LATS2: variants seen among roughly 807,000 people sequenced by gnomAD.
LATS2 encodes large tumor suppressor kinase 2.
A neutral mutation model predicts 76.0 loss-of-function variants in LATS2; 24 were observed. The observed-to-expected ratio is 0.32, with a 90% CI of 0.23 to 0.44. The LOEUF (loss-of-function observed/expected upper bound fraction) is 0.44. Ranked by LOEUF, LATS2 falls within the 20% of genes least tolerant of loss-of-function variation. The pLI is 1.00. For missense variants in LATS2, 1,286 were observed against 1,481.2 expected (o/e 0.87, Z 2.16); for synonymous variants, 692 against 635.4 (o/e 1.09, Z -1.34).
At chr13:20,987,247 A>T (rs1040195322) in intron 4 of LATS2, among the ~76,000 whole-genome samples, 1 of 152,192 alleles carries the variant, frequency 6.6e-6, no homozygotes, top group Non-Finnish European at 1.5e-5. Flanking sequence ...AATGAAAAGT[A>T]TATCTGTAAA....
chr13:21,020,883 G>A (rs1362457144), intron 2 of LATS2, among the ~76,000 whole-genome samples: 3 of 152,188 alleles, frequency 2.0e-5, no homozygotes, highest in African/African-American at 2.4e-5. Flanking sequence ...GTGTAGCCAC[G>A]CCAGACTGGA....
chr13:21,024,912 T>A (rs1295894231), intron 2 of LATS2, among the ~76,000 whole-genome samples: 1 of 152,216 alleles, frequency 6.6e-6, no homozygotes, highest in Non-Finnish European at 1.5e-5. Context: ...GGCCTGGGGC[T>A]GTCCCCACAG....
At chr13:21,030,689 T>A (rs1232137266) in intron 2 of LATS2, among the ~76,000 whole-genome samples, 2 of 151,716 alleles carry the variant, frequency 1.3e-5, no homozygotes, top group Non-Finnish European at 2.9e-5. Context: ...GTATATCAGA[T>A]CTATAGGTAT....
At chr13:21,029,679 T>C (rs1872445016) in intron 2 of LATS2, among the ~76,000 whole-genome samples, 1 of 151,910 alleles carries the variant, frequency 6.6e-6, no homozygotes, top group East Asian at 1.9e-4. Flanking sequence ...TAGTCCCAGC[T>C]ACTCGGAAAG....
chr13:21,057,551 T>G (rs1443866279), intron 1 of LATS2, among the ~76,000 whole-genome samples: 2 of 152,166 alleles, frequency 1.3e-5, no homozygotes, highest in African/African-American at 4.8e-5. Flanking sequence ...GCGCGGTGGC[T>G]CATGCCTGTA....
chr13:21,019,328 A>G lies in LATS2; in HGVS notation c.342+26357T>C, dbSNP rs190318148. The stretch of plus-strand genomic sequence containing the variant: ...TATTATTATTATTATTATTATTATT[A>G]TTATTATTATTATTTGAGACAGAGT... On this transcript the variant is annotated intron_variant, in intron 2 of 7. Coordinates refer to ENST00000382592, the MANE Select transcript of LATS2 (RefSeq NM_014572.3). Among the ~76,000 whole-genome samples the G allele has an allele frequency of 1.1e-3, 162 of 142,224 alleles. 1 individual carries two copies. The highest frequency in any genetic ancestry group is 0.011 in the Middle Eastern group (3 of 280). 93.3% of individuals were successfully genotyped at this position (142,224 alleles called of 152,430 possible). A position where few individuals can be genotyped will look rare whatever the true frequency, so the allele number is the denominator to read the frequency against.
At chr13:20,979,949 G>A (rs1015079227) in intron 6 of LATS2, 152 bp from the exon 7 acceptor site, 3 of 434,440 alleles carry the variant, frequency 6.9e-6, no homozygotes, top group Non-Finnish European at 8.2e-6. Flanking sequence ...GTAAGTACCT[G>A]GATACTACTG....
At chr13:21,038,389 TAGAC>T (rs993185080) in intron 2 of LATS2, 7 of 151,938 alleles carry the variant, frequency 4.6e-5, no homozygotes, top group Non-Finnish European at 8.8e-5. Context: ...TTTAAAAAAA[TAGAC>T]AGGGTCTTGC....
Position 20,988,399 on chromosome 13 carries a change from A to C in LATS2, c.1381T>G (p.Ser461Ala). The C allele has an allele frequency of 7.2e-7, 1 of 1,387,952 alleles. No individual in the cohort carries two copies. 86.0% of individuals were successfully genotyped at this position (1,387,952 alleles called of 1,614,324 possible). Residue 461 changes from serine to alanine, a missense_variant, in exon 4 of 8, where the codon TCG becomes GCG. Physicochemically the swap from Ser to Ala is moderately conservative, Grantham distance 99 (BLOSUM62 1). Around this residue, in one of 5 missense-constraint regions of LATS2, gnomAD observed 710 missense variants for 660.9 expected, o/e 1.07. Coordinates refer to ENST00000382592, the MANE Select transcript of LATS2 (RefSeq NM_014572.3). The part of the protein sequence containing the change: ...RPEPQTAVGP[S>A]HPAWVPAPAP... The stretch of plus-strand genomic sequence containing the variant: ...GGCGCGGGCACCCAGGCGGGGTGCG[A>C]GGGCCCCACAGCCGTCTGCGGCTCC...
rs375661998 is a variant in LATS2, at chr13:20,975,403, A to T, written c.2773-39T>A. On this transcript the variant is annotated intron_variant, in intron 7 of 7. Transcript: ENST00000382592. Reference sequence around the variant, plus strand: ...AGAGCCAACAGGTTAGTTTCTCCTCACATCTTGGGCAGTTCTGGGACAGCG... The same window carrying T: ...AGAGCCAACAGGTTAGTTTCTCCTCTCATCTTGGGCAGTTCTGGGACAGCG... The T allele has an allele frequency of 2.6e-6, 4 of 1,518,642 alleles. No homozygotes were observed. In the East Asian group the frequency reaches 6.8e-5, roughly 26 times the overall value. The allele number at this position is 1,518,642 out of a possible 1,614,324, so 94.1% of individuals were successfully genotyped here. A position where few individuals can be genotyped will look rare whatever the true frequency, so the allele number is the denominator to read the frequency against.
intron 2 of LATS2, among the ~76,000 whole-genome samples, chr13:21,028,660 T>G (rs1368223561): frequency 6.6e-6 from 1 of 152,124 alleles, no homozygotes; most frequent in African/African-American, 2.4e-5. Flanking sequence ...AACCTCCGCC[T>G]CCCGGGTTCA....
At chr13:20,993,487 A>T (rs945765130) in intron 2 of LATS2, among the ~76,000 whole-genome samples, 1 of 152,098 alleles carries the variant, frequency 6.6e-6, no homozygotes, top group African/African-American at 2.4e-5. Flanking sequence ...GATGGCAGGG[A>T]CAGGCAAGGG....
At chr13:21,049,867 T>C (rs1418573106) in intron 1 of LATS2, among the ~76,000 whole-genome samples, 1 of 152,052 alleles carries the variant, frequency 6.6e-6, no homozygotes, top group Non-Finnish European at 1.5e-5. Context: ...ATGCCTATAA[T>C]CCCAGCTCTT....
At chr13:20,995,891 G>T (rs758420428) in intron 2 of LATS2, among the ~76,000 whole-genome samples, 1 of 152,168 alleles carries the variant, frequency 6.6e-6, no homozygotes, top group South Asian at 2.1e-4. Context: ...AGAGTAATGT[G>T]GTAGGCTAAC....
intron 2 of LATS2, among the ~76,000 whole-genome samples, chr13:20,992,812 G>A (rs1870562938): frequency 6.6e-6 from 1 of 152,060 alleles, no homozygotes; most frequent in African/African-American, 2.4e-5. Flanking sequence ...CGAGGCAGGT[G>A]GATCAAGAGG....
At chr13:21,011,389 C>T (rs1231935307) in intron 2 of LATS2, among the ~76,000 whole-genome samples, 1 of 152,216 alleles carries the variant, frequency 6.6e-6, no homozygotes. Flanking sequence ...ATGATCTAGA[C>T]ATATATTTCT....
At position 21,021,455 on chromosome 13, in the gene LATS2, G is replaced by A. The variant is rs944653247; in HGVS notation, c.342+24230C>T. 4.5e-5 allele frequency among the ~76,000 whole-genome samples: 5 copies of A among 110,754 alleles called. 1 individual carries two copies. The highest frequency in any genetic ancestry group is 0.012 in the Middle Eastern group (1 of 84). 72.7% of individuals were successfully genotyped at this position (110,754 alleles called of 152,430 possible). A position where few individuals can be genotyped will look rare whatever the true frequency, so the allele number is the denominator to read the frequency against. Reference sequence around the variant, plus strand: ...GCCACTGCACTCCAGAGCCCGGGCAGCAGAGTGAGACTCTGTCTCAAAAAA... The same window carrying A: ...GCCACTGCACTCCAGAGCCCGGGCAACAGAGTGAGACTCTGTCTCAAAAAA... On this transcript the variant is annotated intron_variant, in intron 2 of 7. Transcript: ENST00000382592.
chr13:21,034,760 G>A (rs1315365892), intron 2 of LATS2, among the ~76,000 whole-genome samples: 2 of 152,170 alleles, frequency 1.3e-5, no homozygotes, highest in Non-Finnish European at 2.9e-5. Context: ...TCGTTGCTGG[G>A]GGAGGATACA....
At chr13:21,046,309 C>T (rs978133186) in intron 1 of LATS2, 79 bp from the exon 2 acceptor site, 1 of 348,378 alleles carries the variant, frequency 2.9e-6, no homozygotes, top group Non-Finnish European at 5.3e-6. Flanking sequence ...CAGAAATAAA[C>T]AGTGATCGTG....
Sources: gnomAD v4.1 joint callset for allele counts (sites outside exome capture counted in the v4.1 genomes callset) on GRCh38, gnomAD v4.1.1 for gene constraint, gnomAD v4.1.1 regional missense constraint, MANE v1.5 for transcripts, NCBI Gene and HGNC (gene_info 2026-07-23, HGNC 2026-07-21) for gene names.